SESTD1: variants seen among roughly 807,000 people sequenced by gnomAD.
SESTD1 encodes the protein SEC14 domain and spectrin repeat-containing protein 1.
In SESTD1, 43 loss-of-function variants were observed where a neutral mutation model predicts 101.7. The ratio of observed to expected loss-of-function variants is 0.42; its 90% CI spans 0.33 to 0.55. The LOEUF is 0.55. SESTD1 is among the 20% of genes least tolerant of loss of function. The probability of loss-of-function intolerance (pLI) is 0.07; values close to 1 mark genes in which losing one functional copy is unlikely to be tolerated. For missense variants in SESTD1, 647 were observed against 815.1 expected (o/e 0.79, Z 2.51); for synonymous variants, 283 against 286.8 (o/e 0.99, Z 0.13).
At chr2:179,234,516 A>T (rs2047034179) in intron 1 of SESTD1, among the ~76,000 whole-genome samples, 1 of 152,158 alleles carries the variant, frequency 6.6e-6, no homozygotes, top group South Asian at 2.1e-4. Flanking sequence ...AGTGGCTCAC[A>T]CCTGCAATCC....
Position 179,115,183 on chromosome 2 carries a change from C to A in SESTD1, c.1721G>T (p.Arg574Leu), listed in dbSNP as rs140312284. 8 of 1,613,726 alleles carry A rather than the reference C, an allele frequency of 5.0e-6. 1 individual carries two copies. The South Asian group carries it at 6.6e-5, about 13-fold the overall frequency. The change falls in exon 16 of 18, where the codon CGG becomes CTG. Residue 574 changes from arginine to leucine, a missense_variant. This residue lies in a region of SESTD1 where 476 missense variants were observed against 562.6 expected (regional missense o/e 0.85). Coordinates refer to ENST00000428443, the MANE Select transcript of SESTD1 (RefSeq NM_178123.5). ...VLCQSLRCTS[R>L]SSGDTLPRLN... Reference sequence around the variant, plus strand: ...TCGAGGAAGTGTATCCCCAGATGACCGAGAAGTGCAGCGCAAAGATTGGCA... The same window carrying A: ...TCGAGGAAGTGTATCCCCAGATGACAGAGAAGTGCAGCGCAAAGATTGGCA...
chr2:179,257,276 A>G (rs1178713343), intron 1 of SESTD1, among the ~76,000 whole-genome samples: 1 of 152,216 alleles, frequency 6.6e-6, no homozygotes, highest in South Asian at 2.1e-4. Context: ...AACTTCAAGC[A>G]ACAACCATCC....
rs560306614 is a variant in SESTD1, at chr2:179,132,090, T to C, written c.972+214A>G. ...TGCAAATTGTGCTTCTATAAAAATA[T>C]AATTAAACTGCATTAGAGACAAAAC... On this transcript the variant is annotated intron_variant, in intron 10 of 17. Transcript: ENST00000428443. The C allele has an allele frequency of 1.7e-5, 7 of 423,482 alleles. No homozygotes were observed. The East Asian group carries it at 2.7e-4, about 16-fold the overall frequency. The allele number at this position is 423,482 out of a possible 1,614,324, so 26.2% of individuals were successfully genotyped here. A position where few individuals can be genotyped will look rare whatever the true frequency, so the allele number is the denominator to read the frequency against.
chr2:179,145,269 A>G (rs1276585554), intron 8 of SESTD1, among the ~76,000 whole-genome samples: 1 of 152,190 alleles, frequency 6.6e-6, no homozygotes, highest in Non-Finnish European at 1.5e-5. Context: ...GAAGCAGCAT[A>G]GCATAATGAT....
intron 15 of SESTD1, 195 bp downstream of exon 15, chr2:179,116,473 T>C (rs1020255199): frequency 1.4e-6 from 1 of 738,600 alleles, no homozygotes; most frequent in African/African-American, 1.8e-5. Flanking sequence ...AGAACATGTA[T>C]TCAGGGAAAC....
At chr2:179,110,937 A>G (rs2044492231) in intron 17 of SESTD1, among the ~76,000 whole-genome samples, 1 of 152,248 alleles carries the variant, frequency 6.6e-6, no homozygotes, top group Non-Finnish European at 1.5e-5. Flanking sequence ...TAGTACTAAC[A>G]TTCTTTTATC....
At chr2:179,115,438 GTT>G (rs1006552064) in intron 15 of SESTD1, among the ~76,000 whole-genome samples, 182 bp from the exon 16 acceptor site, 12 of 152,168 alleles carry the variant, frequency 7.9e-5, no homozygotes, top group Non-Finnish European at 1.5e-4. Context: ...GGGAAGCTAT[GTT>G]TTTGTTAGTT....
intron 12 of SESTD1, among the ~76,000 whole-genome samples, chr2:179,122,967 C>T (rs1158904948): frequency 4.6e-5 from 7 of 152,184 alleles, no homozygotes; most frequent in Admixed American, 4.6e-4. Flanking sequence ...AACCAATTCC[C>T]TAAGGCAGTT....
chr2:179,214,645 A>G (rs2046694147), intron 1 of SESTD1, among the ~76,000 whole-genome samples: 1 of 134,926 alleles, frequency 7.4e-6, no homozygotes, highest in East Asian at 2.0e-4. Flanking sequence ...GACCTAATAG[A>G]TGTCTACAGA....
At chr2:179,257,446 T>TAAA (rs2047414529) in intron 1 of SESTD1, among the ~76,000 whole-genome samples, 2 of 152,358 alleles carry the variant, frequency 1.3e-5, no homozygotes, top group African/African-American at 4.8e-5. Context: ...ACACATTTTG[T>TAAA]AAACTACAGT....
At chr2:179,198,794 G>A (rs540130010) in intron 1 of SESTD1, among the ~76,000 whole-genome samples, 15 of 151,964 alleles carry the variant, frequency 9.9e-5, no homozygotes, top group South Asian at 2.1e-4. Flanking sequence ...TTTCTGGGAC[G>A]CATTCAAAGC....
At chr2:179,148,653 A>G (rs1405768710) in intron 7 of SESTD1, among the ~76,000 whole-genome samples, 1 of 152,250 alleles carries the variant, frequency 6.6e-6, no homozygotes, top group Non-Finnish European at 1.5e-5. Flanking sequence ...AACTTTTTTC[A>G]TATTCTTAAC....
At chr2:179,165,861 G>A (rs1431633480) in intron 5 of SESTD1, among the ~76,000 whole-genome samples, 1 of 152,158 alleles carries the variant, frequency 6.6e-6, no homozygotes, top group Non-Finnish European at 1.5e-5. Flanking sequence ...ATCTACTTAG[G>A]ATGTAGAAAG....
At chr2:179,143,199 A>C (rs1366555547) in intron 9 of SESTD1, among the ~76,000 whole-genome samples, 3 of 152,140 alleles carry the variant, frequency 2.0e-5, no homozygotes, top group Admixed American at 6.5e-5. Flanking sequence ...TTTGCATTAC[A>C]TGTGTTATTT....
chr2:179,122,669 C>T (rs1300166778), intron 12 of SESTD1, among the ~76,000 whole-genome samples: 1 of 152,146 alleles, frequency 6.6e-6, no homozygotes. Context: ...GTGGGCAGAT[C>T]ACCAGAGGTC....
At chr2:179,146,963 C>T (rs1193629875) in intron 7 of SESTD1, among the ~76,000 whole-genome samples, 3 of 150,700 alleles carry the variant, frequency 2.0e-5, no homozygotes, top group African/African-American at 7.3e-5. Flanking sequence ...GTACTCTCTT[C>T]CCTAATCATA....
intron 5 of SESTD1, among the ~76,000 whole-genome samples, chr2:179,169,425 T>C (rs749304323): frequency 2.0e-5 from 3 of 151,598 alleles, no homozygotes; most frequent in Non-Finnish European, 2.9e-5. Context: ...CAATAAACAA[T>C]AGAGCTTCAG....
chr2:179,164,405 A>C (rs911685646), intron 5 of SESTD1, among the ~76,000 whole-genome samples: 1 of 152,196 alleles, frequency 6.6e-6, no homozygotes, highest in South Asian at 2.1e-4. Flanking sequence ...GTGACAAAAA[A>C]GGAGAGTGGA....
intron 1 of SESTD1, among the ~76,000 whole-genome samples, chr2:179,200,048 G>A (rs1034351941): frequency 3.9e-5 from 6 of 152,218 alleles, no homozygotes; most frequent in South Asian, 2.1e-4. Context: ...CCCAAAATCC[G>A]CTTAAGCTGA....
Sources: allele counts gnomAD v4.1 joint callset (sites outside exome capture counted in the v4.1 genomes callset), GRCh38; gene constraint gnomAD v4.1.1; regional missense constraint gnomAD v4.1.1; transcripts MANE v1.5; gene names NCBI Gene and HGNC (gene_info 2026-07-23, HGNC 2026-07-21).